AS3MT: variants seen among roughly 807,000 people sequenced by gnomAD.
The protein encoded by AS3MT is arsenite methyltransferase.
Under a neutral mutation model 45.3 loss-of-function variants are expected in AS3MT, and 47 were observed. The ratio of observed to expected loss-of-function variants is 1.04; its 90% CI spans 0.82 to 1.32. The LOEUF is 1.32. Ranked by LOEUF, AS3MT falls within the 40% of genes most tolerant of loss-of-function variation. The probability of loss-of-function intolerance (pLI) is 0.00; values close to 1 mark genes in which losing one functional copy is unlikely to be tolerated. For missense variants in AS3MT, 396 were observed against 451.1 expected (o/e 0.88, Z 1.11); for synonymous variants, 141 against 152.8 (o/e 0.92, Z 0.57).
intron 10 of AS3MT, among the ~76,000 whole-genome samples, chr10:102,896,650 AC>A (rs1360027498): frequency 2.0e-5 from 3 of 152,058 alleles, no homozygotes; most frequent in Non-Finnish European, 2.9e-5. Flanking sequence ...TACTAAAAAT[AC>A]AAAAAAAATT....
chr10:102,872,405 C>A, intron 3 of AS3MT, 43 bp from the exon 4 acceptor site: 1 of 1,606,810 alleles, frequency 6.2e-7, no homozygotes, highest in South Asian at 1.1e-5. Flanking sequence ...GGTTTCATGT[C>A]TTACAGTCTC....
At chr10:102,898,402 CCTGT>C (rs1410993254) in intron 10 of AS3MT, among the ~76,000 whole-genome samples, 1 of 151,946 alleles carries the variant, frequency 6.6e-6, no homozygotes, top group Non-Finnish European at 1.5e-5. Context: ...TCAACAGCAG[CCTGT>C]CTAACATGGT....
chr10:102,873,002 A>G (rs1844719380), intron 4 of AS3MT, 95 bp from the exon 5 acceptor site: 1 of 1,026,472 alleles, frequency 9.7e-7, no homozygotes, highest in Admixed American at 2.6e-5. Context: ...AAAATAATCT[A>G]GGGGAAGTAT....
chr10:102,877,746 TTC>T (rs147834223), intron 7 of AS3MT, among the ~76,000 whole-genome samples: 2 of 123,548 alleles, frequency 1.6e-5, no homozygotes, highest in Non-Finnish European at 3.4e-5. Context: ...CAGTGATAAC[TTC>T]TTTTTTTTTT....
At chr10:102,870,039 C>T in intron 2 of AS3MT, 45 bp from the exon 3 acceptor site, 1 of 1,606,944 alleles carries the variant, frequency 6.2e-7, no homozygotes, top group Non-Finnish European at 8.5e-7. Flanking sequence ...AGTCACAGCT[C>T]TTCTCCCTCT....
At chr10:102,894,463 A>G (rs146314946) in intron 10 of AS3MT, among the ~76,000 whole-genome samples, 2,427 of 151,990 alleles carry the variant, frequency 0.016, 37 homozygotes, top group Non-Finnish European at 0.021. Flanking sequence ...AATAAAATAA[A>G]ATTATAAACC....
rs181606885 is a variant in AS3MT at position 102,874,082 on chromosome 10, G to A, written c.459-510G>A. Reference sequence around the variant, plus strand: ...AGCTTGAACAACATGGCGAAACCCCGTCTCTACTAAAAATACAAAAATTAG... The same window carrying A: ...AGCTTGAACAACATGGCGAAACCCCATCTCTACTAAAAATACAAAAATTAG... On this transcript the variant is annotated intron_variant, in intron 5 of 10. Transcript: ENST00000369880. Among the ~76,000 whole-genome samples, 211 of 152,136 alleles carry A rather than the reference G, an allele frequency of 1.4e-3. 1 individual carries two copies. The highest frequency in any genetic ancestry group is 4.6e-3 in the African/African-American group (191 of 41,504).
At chr10:102,879,768 CAAAAAAA>C (rs1191489555) in intron 9 of AS3MT, among the ~76,000 whole-genome samples, 1 of 60,710 alleles carries the variant, frequency 1.6e-5, no homozygotes, top group African/African-American at 7.3e-5. Context: ...GACTCCATCT[CAAAAAAA>C]AAAAAAAAAA....
At chr10:102,883,848 G>A (rs2134120291) in intron 9 of AS3MT, among the ~76,000 whole-genome samples, 1 of 151,996 alleles carries the variant, frequency 6.6e-6, no homozygotes, top group East Asian at 1.9e-4. Context: ...TTTGACATAT[G>A]TATACATTAT....
intron 2 of AS3MT, 27 bp downstream of exon 2, chr10:102,869,872 C>T (rs199591340): frequency 3.0e-5 from 48 of 1,612,986 alleles, no homozygotes; most frequent in South Asian, 2.5e-4. Context: ...CTGGAATGGC[C>T]CAAGTGGAGC....
intron 10 of AS3MT, among the ~76,000 whole-genome samples, chr10:102,891,192 G>T (rs1286489243): frequency 6.6e-6 from 1 of 152,152 alleles, no homozygotes; most frequent in Admixed American, 6.6e-5. Context: ...TGTTTATTGG[G>T]AGACTTCCTT....
At chr10:102,888,787 A>G (rs1333752085) in intron 9 of AS3MT, among the ~76,000 whole-genome samples, 2 of 150,112 alleles carry the variant, frequency 1.3e-5, no homozygotes, top group Non-Finnish European at 3.0e-5. Context: ...TATACAATAT[A>G]TTATTGTAAA....
chr10:102,879,768 CA>C (rs1191489555), intron 9 of AS3MT, among the ~76,000 whole-genome samples: 94 of 60,698 alleles, frequency 1.5e-3, no homozygotes, highest in East Asian at 4.2e-3. Flanking sequence ...GACTCCATCT[CA>C]AAAAAAAAAA....
intron 9 of AS3MT, among the ~76,000 whole-genome samples, chr10:102,886,614 G>A (rs1043064806): frequency 2.0e-5 from 3 of 151,734 alleles, no homozygotes; most frequent in African/African-American, 7.3e-5. Flanking sequence ...CATTGTGCCC[G>A]GCCCTTCTTT....
intron 10 of AS3MT, among the ~76,000 whole-genome samples, chr10:102,900,385 G>A (rs1403104043): frequency 6.6e-6 from 1 of 152,204 alleles, no homozygotes; most frequent in African/African-American, 2.4e-5. Flanking sequence ...AGCTTTAAGT[G>A]AAGTTTACCT....
intron 5 of AS3MT, among the ~76,000 whole-genome samples, chr10:102,874,253 C>CGG (rs148333421): frequency 2.9e-4 from 42 of 147,264 alleles, no homozygotes; most frequent in Admixed American, 2.6e-3. Flanking sequence ...AACATCCTCT[C>CGG]GGGAAAAAAA....
chr10:102,901,092 C>CAAAAAAAAAAAAAAAAAAAAAAAAAAAA lies in AS3MT; in HGVS notation c.*411_*412insAAAAAAAAAAAAAAAAAAAAAAAAAAAA, dbSNP rs370301616. The CAAAAAAAAAAAAAAAAAAAAAAAAAAAA allele has an allele frequency of 4.0e-5, 3 of 75,866 alleles. No individual in the cohort carries two copies. The highest frequency in any genetic ancestry group is 1.1e-4 in the African/African-American group (2 of 18,838). 4.7% of individuals were successfully genotyped at this position (75,866 alleles called of 1,614,324 possible). On this transcript the variant is annotated 3_prime_UTR_variant, in exon 11 of 11. Transcript: ENST00000369880. ...ACAGAGCAAGACTCTGTCTCAAAAG[C>CAAAAAAAAAAAAAAAAAAAAAAAAAAAA]AAAAAAAAAAAAAAAAAAAGAAAGA...
rs1438187710 is a variant in AS3MT, at chr10:102,900,645, C to T, written c.1073C>T (p.Ser358Phe). 6.2e-7 allele frequency: 1 copy of T among 1,614,088 alleles called. No homozygotes were observed. Among genetic ancestry groups the T allele is most frequent in the Non-Finnish European group, 8.5e-7 (1 of 1,180,016 alleles). ...GCAGAAGAGTCTGACAGTATGAAGT[C>T]CAGATGTGTCCCTGATGCTGCTGGA... Reference protein sequence around the residue: ...KLAEESDSMKSRCVPDAAGGC... With the variant: ...KLAEESDSMKFRCVPDAAGGC... The change falls in exon 11 of 11, where the codon TCC becomes TTC. Residue 358 changes from serine to phenylalanine, a missense_variant. Ser to Phe is a radical substitution (Grantham distance 155). Coordinates refer to ENST00000369880, the MANE Select transcript of AS3MT (RefSeq NM_020682.4).
chr10:102,876,637 C>T (rs1347431951), intron 6 of AS3MT, among the ~76,000 whole-genome samples: 2 of 152,116 alleles, frequency 1.3e-5, no homozygotes, highest in East Asian at 3.8e-4. Flanking sequence ...CTCTGTTCTA[C>T]AATGACCTGG....
Sources: gnomAD v4.1 joint callset for allele counts (sites outside exome capture counted in the v4.1 genomes callset) on GRCh38, gnomAD v4.1.1 for gene constraint, MANE v1.5 for transcripts, NCBI Gene and HGNC (gene_info 2026-07-23, HGNC 2026-07-21) for gene names.